The following MAP4 variants were observed in gnomAD, a reference collection of about 807,000 sequenced individuals.
MAP4 encodes the protein microtubule-associated protein 4.
Under a neutral mutation model 170.2 loss-of-function variants are expected in MAP4, and 76 were observed. The ratio of observed to expected loss-of-function variants is 0.45; its 90% CI spans 0.37 to 0.54. The LOEUF is 0.54. MAP4 is among the 20% of genes least tolerant of loss of function. The pLI, the probability that MAP4 is intolerant of heterozygous loss-of-function variation, is 0.00. For synonymous variants in MAP4, 909 were observed against 994.5 expected (o/e 0.91, Z 1.62); for missense variants, 2,506 against 2,748.0 (o/e 0.91, Z 1.97).
At chr3:47,930,401 C>T (rs1488360623) in intron 3 of MAP4, among the ~76,000 whole-genome samples, 2 of 149,910 alleles carry the variant, frequency 1.3e-5, no homozygotes, top group African/African-American at 2.5e-5. Context: ...GCCGAGATTG[C>T]GCCACTGCAG....
At chr3:48,031,622 G>A (rs2100116156) in intron 1 of MAP4, among the ~76,000 whole-genome samples, 1 of 152,144 alleles carries the variant, frequency 6.6e-6, no homozygotes, top group Admixed American at 6.6e-5. Flanking sequence ...CTACCCGGGA[G>A]GCTGAGGTGG....
intron 1 of MAP4, among the ~76,000 whole-genome samples, chr3:48,062,280 A>G (rs1391008647): frequency 4.6e-5 from 7 of 152,068 alleles, no homozygotes; most frequent in African/African-American, 1.7e-4. Context: ...GTGCTTTGTT[A>G]AACAGATGCT....
chr3:47,963,429 T>C (rs1424787339), intron 3 of MAP4, among the ~76,000 whole-genome samples: 1 of 152,338 alleles, frequency 6.6e-6, no homozygotes, highest in South Asian at 2.1e-4. Flanking sequence ...GCAGGAATCT[T>C]AGCCTCAAAG....
intron 3 of MAP4, among the ~76,000 whole-genome samples, chr3:47,936,980 C>CAA (rs10711611): frequency 5.3e-5 from 5 of 94,426 alleles, no homozygotes; most frequent in East Asian, 6.5e-4. Context: ...AACTCCGTCT[C>CAA]AAAAAAAAAA....
intron 3 of MAP4, among the ~76,000 whole-genome samples, chr3:47,964,778 C>T (rs534899275): frequency 2.6e-5 from 4 of 152,312 alleles, no homozygotes; most frequent in African/African-American, 9.6e-5. Context: ...ACATATAAAG[C>T]ATCCCTTTAA....
At position 47,851,287 on chromosome 3, in the gene MAP4, C is replaced by T. The variant is rs2041707008; in HGVS notation, c.*1647G>A. On this transcript the variant is annotated 3_prime_UTR_variant, in exon 21 of 21. Transcript: ENST00000683076. Reference sequence around the variant, plus strand: ...TGGTGTGTGCTTGGGGAGCTAGGGACATGGTGTCAAACCTCCACAAGGCAC... The same window carrying T: ...TGGTGTGTGCTTGGGGAGCTAGGGATATGGTGTCAAACCTCCACAAGGCAC... 1 of 152,222 alleles carries T rather than the reference C, an allele frequency of 6.6e-6. No individual in the cohort carries two copies. The allele number at this position is 152,222 out of a possible 1,614,324, so 9.4% of individuals were successfully genotyped here.
chr3:47,857,592 C>T, intron 17 of MAP4, 80 bp from the exon 18 acceptor site: 4 of 965,510 alleles, frequency 4.1e-6, no homozygotes, highest in South Asian at 1.4e-5. Flanking sequence ...TTTAAATCTT[C>T]TCCATGTTCA....
intron 4 of MAP4, among the ~76,000 whole-genome samples, chr3:47,923,677 A>C (rs1156690604): frequency 6.6e-6 from 1 of 150,850 alleles, no homozygotes; most frequent in African/African-American, 2.4e-5. Flanking sequence ...TTAGCCAGGC[A>C]TGGTAGCGCA....
At chr3:47,863,273 G>C (rs1035593430) in intron 17 of MAP4, among the ~76,000 whole-genome samples, 1 of 152,212 alleles carries the variant, frequency 6.6e-6, no homozygotes, top group Non-Finnish European at 1.5e-5. Flanking sequence ...GCTGTGCCCA[G>C]CCCAGTAAAA....
chr3:47,853,905 A>T (rs1387002694), intron 19 of MAP4, among the ~76,000 whole-genome samples: 1 of 152,124 alleles, frequency 6.6e-6, no homozygotes, highest in African/African-American at 2.4e-5. Flanking sequence ...GTGTCCAAGG[A>T]GGTATAACCC....
At chr3:47,989,725 A>T (rs187759615) in intron 2 of MAP4, among the ~76,000 whole-genome samples, 22 of 152,214 alleles carry the variant, frequency 1.4e-4, no homozygotes, top group Admixed American at 2.6e-4. Context: ...AAAGGCTTGT[A>T]TATTTCCCTG....
At chr3:47,902,468 G>A (rs2100030582) in intron 10 of MAP4, among the ~76,000 whole-genome samples, 1 of 151,992 alleles carries the variant, frequency 6.6e-6, no homozygotes, top group South Asian at 2.1e-4. Context: ...GAGGTCAGGA[G>A]TTCAAGACCA....
At chr3:47,856,512 T>G (rs1258913593) in intron 18 of MAP4, among the ~76,000 whole-genome samples, 2 of 152,070 alleles carry the variant, frequency 1.3e-5, no homozygotes. Context: ...TGGAGTGCAG[T>G]GCCATACTCT....
At chr3:47,988,243 G>T (rs1369283418) in intron 2 of MAP4, among the ~76,000 whole-genome samples, 2 of 129,308 alleles carry the variant, frequency 1.5e-5, no homozygotes, top group Non-Finnish European at 3.4e-5. Flanking sequence ...AGATGGATGT[G>T]AGATTCAGAC....
At chr3:47,975,618 T>C (rs145551030) in intron 3 of MAP4, among the ~76,000 whole-genome samples, 165 of 152,198 alleles carry the variant, frequency 1.1e-3, no homozygotes, top group Non-Finnish European at 1.7e-3. Flanking sequence ...GGACTATAGA[T>C]AACATTCTGA....
chr3:48,049,807 G>A (rs191179088), intron 1 of MAP4, among the ~76,000 whole-genome samples: 6 of 150,868 alleles, frequency 4.0e-5, no homozygotes, highest in East Asian at 3.9e-4. Context: ...GCATGGTGGC[G>A]CGTGCCTGTA....
chr3:47,976,167 C>T (rs2100082030), intron 3 of MAP4, among the ~76,000 whole-genome samples: 1 of 152,132 alleles, frequency 6.6e-6, no homozygotes, highest in South Asian at 2.1e-4. Flanking sequence ...TACCTAAGGG[C>T]AGAGAGGTAT....
chr3:47,893,003 C>A (rs2100024841), intron 10 of MAP4, among the ~76,000 whole-genome samples: 1 of 143,020 alleles, frequency 7.0e-6, no homozygotes, highest in African/African-American at 2.6e-5. Flanking sequence ...ACAATGAATC[C>A]AGGAAATTGT....
rs765036145 is a variant in MAP4, at chr3:47,912,000, TTG to T, written c.2419_2420del (p.Gln807LysfsTer31). Reference protein sequence around the residue: ...PKGHPFAADTQKSGVLPSQPT... With the variant: ...PKGHPFAADTXKSGVLPSQPT... Reference sequence around the variant, plus strand: ...GCTGGCTGGGGAGAACACCTGATTTTTGTGTGTCAGCTGCAAATGGATGACCT... The same window carrying T: ...GCTGGCTGGGGAGAACACCTGATTTTTGTGTCAGCTGCAAATGGATGACCT... On this transcript the variant is annotated frameshift_variant, in exon 9 of 21. Transcript: ENST00000683076. LOFTEE classifies it high-confidence loss of function. The surrounding 1 kb of genome is among the most constrained non-coding windows in gnomAD (Gnocchi z 4.0). 3.9e-6 allele frequency: 6 copies of T among 1,536,098 alleles called. No individual in the cohort carries two copies. The South Asian group carries it at 5.9e-5, about 15-fold the overall frequency.
Sources: allele counts gnomAD v4.1 joint callset (sites outside exome capture counted in the v4.1 genomes callset), GRCh38; gene constraint gnomAD v4.1.1; non-coding constraint Gnocchi (gnomAD v3.1); transcripts MANE v1.5; gene names NCBI Gene and HGNC (gene_info 2026-07-23, HGNC 2026-07-21).